Variants in SRGN observed in about 807,000 individuals in gnomAD.
SRGN encodes the protein hematopoetic proteoglycan core peptide.
Under a neutral mutation model 9.5 loss-of-function variants are expected in SRGN, and 2 were observed. The ratio of observed to expected loss-of-function variants is 0.21; its 90% CI spans 0.09 to 0.66. SRGN has a LOEUF of 0.66. SRGN is among the 30% of genes least tolerant of loss of function. SRGN has a pLI of 0.83. For synonymous variants in SRGN, 59 were observed against 72.3 expected (o/e 0.82, Z 0.93); for missense variants, 170 against 192.4 (o/e 0.88, Z 0.69).
rs1234498496 is a variant in SRGN, at chr10:69,104,223, A to G, written c.*103A>G. On this transcript the variant is annotated 3_prime_UTR_variant, in exon 3 of 3. Transcript: ENST00000242465. The stretch of plus-strand genomic sequence containing the variant: ...GACAAAGAATTTTATAGAAATTTTT[A>G]AACATCTGAAAAAGAAGCTTAAGTT... 5 of 1,428,940 alleles carry G rather than the reference A, an allele frequency of 3.5e-6. No homozygotes were observed. The highest frequency in any genetic ancestry group is 2.9e-5 in the African/African-American group (2 of 69,870). 88.5% of individuals were successfully genotyped at this position (1,428,940 alleles called of 1,614,324 possible). A position where few individuals can be genotyped will look rare whatever the true frequency, so the allele number is the denominator to read the frequency against.
intron 2 of SRGN, among the ~76,000 whole-genome samples, chr10:69,100,215 T>C (rs889608394): frequency 6.6e-6 from 1 of 151,924 alleles, no homozygotes; most frequent in African/African-American, 2.4e-5. Flanking sequence ...ATACAAAAAT[T>C]AGCCAAGCAT....
intron 1 of SRGN, among the ~76,000 whole-genome samples, chr10:69,090,536 T>C (rs1486309602): frequency 6.6e-6 from 1 of 152,170 alleles, no homozygotes; most frequent in African/African-American, 2.4e-5. Flanking sequence ...CCTTCTCCCT[T>C]GTCTGCACAT....
intron 2 of SRGN, among the ~76,000 whole-genome samples, chr10:69,102,937 C>G (rs1249683788): frequency 3.3e-5 from 5 of 151,880 alleles, no homozygotes; most frequent in Admixed American, 2.0e-4. Flanking sequence ...GTTGTTTGTC[C>G]TTTCTTTTTT....
At chr10:69,103,473 G>C (rs1222535626) in intron 2 of SRGN, among the ~76,000 whole-genome samples, 1 of 152,058 alleles carries the variant, frequency 6.6e-6, no homozygotes, top group African/African-American at 2.4e-5. Flanking sequence ...AACCTGGGAG[G>C]TGGAGGTTGC....
chr10:69,094,038 TCTGA>T (rs1050688554), intron 1 of SRGN, among the ~76,000 whole-genome samples: 3 of 152,196 alleles, frequency 2.0e-5, no homozygotes, highest in African/African-American at 4.8e-5. Flanking sequence ...AATGAAGAGC[TCTGA>T]CTATGTGCTA....
In SRGN at chr10:69,103,638, A is replaced by G. The variant is rs548510789; in HGVS notation, c.228-233A>G. 5.5e-4 allele frequency among the ~76,000 whole-genome samples: 83 copies of G among 152,254 alleles called. 1 individual carries two copies. Among genetic ancestry groups the G allele is most frequent in the Non-Finnish European group, 9.9e-4 (67 of 68,016 alleles). ...ATTAACACTGTTTATGCAAGTCTGCAATAGGTAGATGTGAAGTTGATAGGT... is the reference window on the plus strand; with the variant it reads ...ATTAACACTGTTTATGCAAGTCTGCGATAGGTAGATGTGAAGTTGATAGGT... On this transcript the variant is annotated intron_variant, in intron 2 of 2. Coordinates refer to ENST00000242465, the MANE Select transcript of SRGN (RefSeq NM_002727.4).
At chr10:69,097,674 G>A (rs558467657) in intron 2 of SRGN, among the ~76,000 whole-genome samples, 5 of 152,140 alleles carry the variant, frequency 3.3e-5, no homozygotes, top group South Asian at 2.1e-4. Flanking sequence ...TGATCCGCCC[G>A]CCTTGACCTC....
At chr10:69,096,150 A>G (rs1177718637) in intron 1 of SRGN, among the ~76,000 whole-genome samples, 1 of 152,090 alleles carries the variant, frequency 6.6e-6, no homozygotes, top group East Asian at 1.9e-4. Context: ...AAAACACAAG[A>G]ACTAGAATTC....
intron 1 of SRGN, among the ~76,000 whole-genome samples, chr10:69,091,909 G>GAAAAAA (rs1208815472): frequency 4.8e-5 from 3 of 62,026 alleles, no homozygotes; most frequent in Non-Finnish European, 9.5e-5. Context: ...AAAAAAAAAA[G>GAAAAAA]AAAAAGAAAA....
chr10:69,096,633 C>G (rs141960786), intron 1 of SRGN, among the ~76,000 whole-genome samples: 3 of 152,290 alleles, frequency 2.0e-5, no homozygotes, highest in African/African-American at 7.2e-5. Context: ...GGCACAAAAT[C>G]TGTCTACATT....
chr10:69,101,517 A>G (rs895819453), intron 2 of SRGN, among the ~76,000 whole-genome samples: 1 of 152,056 alleles, frequency 6.6e-6, no homozygotes, highest in African/African-American at 2.4e-5. Context: ...TCTTCCCATC[A>G]GTATAGGGGT....
intron 1 of SRGN, among the ~76,000 whole-genome samples, chr10:69,089,249 C>T (rs1013029638): frequency 6.6e-6 from 1 of 152,064 alleles, no homozygotes; most frequent in African/African-American, 2.4e-5. Context: ...TCTAGTTATG[C>T]TAATGCTGAA....
At chr10:69,089,750 G>T (rs1165221863) in intron 1 of SRGN, among the ~76,000 whole-genome samples, 1 of 152,044 alleles carries the variant, frequency 6.6e-6, no homozygotes, top group African/African-American at 2.4e-5. Flanking sequence ...AAAAAAATTA[G>T]CCGGGCATGG....
At chr10:69,099,304 C>CTTTTTTTTTTTTTTTTTTTTTT (rs200610137) in intron 2 of SRGN, among the ~76,000 whole-genome samples, 1 of 128,152 alleles carries the variant, frequency 7.8e-6, no homozygotes, top group African/African-American at 2.7e-5. Context: ...GCAACTTTCT[C>CTTTTTTTTTTTTTTTTTTTTTT]TTTTGTTTTT....
chr10:69,098,402 G>C (rs1840221896), intron 2 of SRGN: 1 of 152,334 alleles, frequency 6.6e-6, no homozygotes. Context: ...AAGTAGATTA[G>C]TGGGTTACAG....
In SRGN at chr10:69,097,221, G is replaced by C; in HGVS notation, c.217G>C (p.Asp73His). The part of the protein sequence containing the change: ...ESNKIPRLRT[D>H]LFPKTRIQDL... ...CAACAAGATCCCCCGTCTGAGGACT[G>C]ACCTTTTTCCGTAAGTGGACTTTTC... is the stretch of plus-strand genomic sequence containing the variant. Residue 73 changes from aspartate (D) to histidine (H), a missense_variant, in exon 2 of 3, where the codon GAC (aspartate) becomes CAC (histidine). Coordinates refer to ENST00000242465, the MANE Select transcript of SRGN (RefSeq NM_002727.4). The C allele has an allele frequency of 6.2e-7, 1 of 1,611,448 alleles. No homozygotes were observed. Among genetic ancestry groups the C allele is most frequent in the Non-Finnish European group, 8.5e-7 (1 of 1,178,988 alleles).
intron 2 of SRGN, among the ~76,000 whole-genome samples, chr10:69,098,118 T>C (rs996938236): frequency 2.0e-5 from 3 of 152,182 alleles, no homozygotes; most frequent in Non-Finnish European, 4.4e-5. Context: ...CATCAACAGG[T>C]ATTGAAAATG....
At chr10:69,097,907 C>T (rs148818142) in intron 2 of SRGN, among the ~76,000 whole-genome samples, 1 of 152,260 alleles carries the variant, frequency 6.6e-6, no homozygotes, top group Non-Finnish European at 1.5e-5. Flanking sequence ...AACCTCTTGG[C>T]ACAGATGTGG....
Position 69,104,333 on chromosome 10 carries a change from AT to A in SRGN, c.*219del. ...TTTTATTGTTCTTGAAAATACCTGC[AT>A]TTTTTGGTATCATGTTCAACCAACA... On this transcript the variant is annotated 3_prime_UTR_variant, in exon 3 of 3. Coordinates refer to ENST00000242465, the MANE Select transcript of SRGN (RefSeq NM_002727.4). 6.6e-6 allele frequency: 3 copies of A among 457,026 alleles called. No individual in the cohort carries two copies. Among genetic ancestry groups the A allele is most frequent in the East Asian group, 4.6e-5 (1 of 21,626 alleles). 28.3% of individuals were successfully genotyped at this position (457,026 alleles called of 1,614,324 possible).
Sources: allele counts gnomAD v4.1 joint callset (sites outside exome capture counted in the v4.1 genomes callset), GRCh38; gene constraint gnomAD v4.1.1; transcripts MANE v1.5; gene names NCBI Gene and HGNC (gene_info 2026-07-23, HGNC 2026-07-21).